The following AUH variants were observed in gnomAD, a reference collection of about 807,000 sequenced individuals.
AUH encodes the protein methylglutaconyl-CoA hydratase, mitochondrial.
A neutral mutation model predicts 42.3 loss-of-function variants in AUH; 29 were observed. The ratio of observed to expected loss-of-function variants is 0.69; its 90% CI spans 0.51 to 0.93. The LOEUF (loss-of-function observed/expected upper bound fraction) is 0.93. Ranked by LOEUF, AUH falls within the 40% of genes least tolerant of loss-of-function variation. AUH has a pLI of 0.00. For synonymous variants in AUH, 174 were observed against 166.4 expected, an observed-to-expected ratio of 1.05 and a Z score of -0.35; for missense variants, 452 against 438.1, an observed-to-expected ratio of 1.03 and a Z score of -0.28.
chr9:91,265,996 A>G (rs1829956837), intron 6 of AUH, among the ~76,000 whole-genome samples: 1 of 152,056 alleles, frequency 6.6e-6, no homozygotes, highest in Non-Finnish European at 1.5e-5. Context: ...CCTTAAAATG[A>G]GAAGGCAGAT....
At chr9:91,256,177 G>A (rs888210463) in intron 6 of AUH, among the ~76,000 whole-genome samples, 1 of 152,116 alleles carries the variant, frequency 6.6e-6, no homozygotes, top group African/African-American at 2.4e-5. Flanking sequence ...CCAGACTGTA[G>A]CAATTAAGCT....
At chr9:91,242,602 C>A (rs554202324) in intron 6 of AUH, among the ~76,000 whole-genome samples, 2 of 152,326 alleles carry the variant, frequency 1.3e-5, no homozygotes, top group African/African-American at 2.4e-5. Flanking sequence ...GGAAGTGACA[C>A]CCTCACATCA....
chr9:91,243,434 T>C (rs932925512), intron 6 of AUH, among the ~76,000 whole-genome samples: 13 of 152,228 alleles, frequency 8.5e-5, no homozygotes, highest in African/African-American at 1.7e-4. Context: ...TCAGCTCCGG[T>C]TGGGCAGGTG....
chr9:91,325,043 T>C (rs771383642), intron 4 of AUH, among the ~76,000 whole-genome samples: 6 of 152,124 alleles, frequency 3.9e-5, no homozygotes, highest in African/African-American at 9.6e-5. Context: ...TAGTTAAATA[T>C]AGATATTGTA....
At chr9:91,306,532 C>G in intron 4 of AUH, 1 of 225,174 alleles carries the variant, frequency 4.4e-6, no homozygotes, top group South Asian at 1.6e-4. Context: ...GCTCTGTAAC[C>G]TTGTTATTTA....
At chr9:91,283,749 T>C (rs566150250) in intron 6 of AUH, among the ~76,000 whole-genome samples, 1 of 152,244 alleles carries the variant, frequency 6.6e-6, no homozygotes, top group South Asian at 2.1e-4. Context: ...GGAATCCAAC[T>C]TACAAGGGAT....
chr9:91,231,255 G>A (rs539340691), intron 6 of AUH, among the ~76,000 whole-genome samples: 16 of 152,206 alleles, frequency 1.1e-4, no homozygotes, highest in South Asian at 2.1e-4. Flanking sequence ...CTCGTGGTGC[G>A]CCGTTTTTTA....
At chr9:91,215,988 T>C (rs1826796822) in intron 9 of AUH, 71 bp downstream of exon 9, 4 of 1,479,680 alleles carry the variant, frequency 2.7e-6, no homozygotes, top group Non-Finnish European at 2.8e-6. Flanking sequence ...GTGAAATTCA[T>C]TTGAATTATA....
chr9:91,309,661 G>A (rs1307311597), intron 4 of AUH, among the ~76,000 whole-genome samples: 1 of 152,186 alleles, frequency 6.6e-6, no homozygotes, highest in Non-Finnish European at 1.5e-5. Context: ...GGACTCCACA[G>A]GGGAGGACAG....
At chr9:91,216,770 C>G (rs989036565) in intron 8 of AUH, among the ~76,000 whole-genome samples, 1 of 152,208 alleles carries the variant, frequency 6.6e-6, no homozygotes, top group African/African-American at 2.4e-5. Flanking sequence ...CCTCCCAGGC[C>G]TGGGGCCTTC....
At chr9:91,243,046 TATA>T (rs1263679169) in intron 6 of AUH, among the ~76,000 whole-genome samples, 2 of 152,224 alleles carry the variant, frequency 1.3e-5, no homozygotes, top group Admixed American at 6.5e-5. Context: ...ACATTACTCT[TATA>T]ATGTTTCAAA....
At chr9:91,266,839 T>G (rs904496719) in intron 6 of AUH, among the ~76,000 whole-genome samples, 4 of 152,176 alleles carry the variant, frequency 2.6e-5, no homozygotes, top group African/African-American at 9.6e-5. Context: ...GAGGTATGTA[T>G]AGTTGAACAT....
chr9:91,233,540 T>TA (rs963242201), intron 6 of AUH, among the ~76,000 whole-genome samples: 9 of 151,840 alleles, frequency 5.9e-5, no homozygotes, highest in African/African-American at 1.7e-4. Flanking sequence ...TCAACCTAAA[T>TA]AAAAAACAGG....
At chr9:91,338,511 A>G (rs1005310730) in intron 3 of AUH, among the ~76,000 whole-genome samples, 3 of 152,200 alleles carry the variant, frequency 2.0e-5, no homozygotes, top group Admixed American at 1.3e-4. Flanking sequence ...GCTCACTGCA[A>G]CATCCACCTC....
rs147930660 is a variant in AUH, at chr9:91,351,587, G to A, written c.418+4296C>T. On this transcript the variant is annotated intron_variant, in intron 3 of 9. Transcript: ENST00000375731. ...AGGCCAGGGGTCCCCAACCCGAGTTGATGAATGGTACTGGTCTGTGGCCTG... is the reference window on the plus strand; with the variant it reads ...AGGCCAGGGGTCCCCAACCCGAGTTAATGAATGGTACTGGTCTGTGGCCTG... Among the ~76,000 whole-genome samples, 91 of 152,340 alleles carry A rather than the reference G, an allele frequency of 6.0e-4. 1 individual carries two copies. The highest frequency in any genetic ancestry group is 2.1e-3 in the African/African-American group (86 of 41,580).
chr9:91,311,136 G>C (rs1487232704), intron 4 of AUH, among the ~76,000 whole-genome samples: 5 of 152,068 alleles, frequency 3.3e-5, no homozygotes, highest in Admixed American at 2.6e-4. Context: ...ATTTCAAAGA[G>C]AGAGCTTTTT....
At chr9:91,226,954 G>C (rs1422026982) in intron 6 of AUH, among the ~76,000 whole-genome samples, 1 of 147,714 alleles carries the variant, frequency 6.8e-6, no homozygotes, top group East Asian at 2.0e-4. Flanking sequence ...GGTTACTGTA[G>C]CCTTGTAGTA....
chr9:91,338,992 T>C (rs1205908179), intron 3 of AUH, among the ~76,000 whole-genome samples: 1 of 152,134 alleles, frequency 6.6e-6, no homozygotes, highest in Non-Finnish European at 1.5e-5. Context: ...ATAAAATAAA[T>C]AGGAGTGAGG....
intron 6 of AUH, among the ~76,000 whole-genome samples, chr9:91,256,785 C>A (rs1005822319): frequency 2.0e-5 from 3 of 152,030 alleles, no homozygotes; most frequent in African/African-American, 7.3e-5. Context: ...TACCTACTCT[C>A]TGGTGTGGTG....
Sources: gnomAD v4.1 joint callset for allele counts (sites outside exome capture counted in the v4.1 genomes callset) on GRCh38, gnomAD v4.1.1 for gene constraint, MANE v1.5 for transcripts, NCBI Gene and HGNC (gene_info 2026-07-23, HGNC 2026-07-21) for gene names.